Variants in ASTN1 observed in about 807,000 individuals in gnomAD.
The protein encoded by ASTN1 is astrotactin 1.
A neutral mutation model predicts 140.7 loss-of-function variants in ASTN1; 41 were observed. That is an observed-to-expected ratio of 0.29 (90% CI 0.23 to 0.38). The LOEUF (loss-of-function observed/expected upper bound fraction) is 0.38. Ranked by LOEUF, ASTN1 falls within the 10% of genes least tolerant of loss-of-function variation. The pLI is 1.00. For missense variants in ASTN1, 1,479 were observed against 1,678.8 expected (o/e 0.88, Z 2.08); for synonymous variants, 640 against 652.2 (o/e 0.98, Z 0.29).
intron 8 of ASTN1, among the ~76,000 whole-genome samples, chr1:176,979,025 T>C (rs1396500385): frequency 3.3e-5 from 5 of 151,844 alleles, no homozygotes; most frequent in Non-Finnish European, 4.4e-5. Context: ...CTGATGGGGG[T>C]CTGTTAAAGG....
At chr1:177,105,081 C>T (rs1270696041) in intron 1 of ASTN1, among the ~76,000 whole-genome samples, 1 of 152,142 alleles carries the variant, frequency 6.6e-6, no homozygotes, top group East Asian at 1.9e-4. Flanking sequence ...GCCATTTGCC[C>T]TTGAACAGTG....
At chr1:177,097,185 T>C (rs1008737946) in intron 1 of ASTN1, among the ~76,000 whole-genome samples, 1 of 152,202 alleles carries the variant, frequency 6.6e-6, no homozygotes, top group Non-Finnish European at 1.5e-5. Context: ...AACACTTTCA[T>C]CATTTTTACT....
At chr1:176,929,007 T>C (rs2103084202) in intron 16 of ASTN1, among the ~76,000 whole-genome samples, 1 of 152,288 alleles carries the variant, frequency 6.6e-6, no homozygotes, top group African/African-American at 2.4e-5. Flanking sequence ...ATCTCTGACC[T>C]TGGACTTAAG....
intron 11 of ASTN1, 55 bp from the exon 12 acceptor site, chr1:176,949,406 C>T: frequency 1.3e-6 from 2 of 1,561,332 alleles, no homozygotes; most frequent in South Asian, 2.3e-5. Context: ...ACTGAGTTCT[C>T]TGGGAACTGA....
At chr1:176,880,293 T>TG (rs1313026352) in intron 20 of ASTN1, among the ~76,000 whole-genome samples, 1 of 152,188 alleles carries the variant, frequency 6.6e-6, no homozygotes, top group Non-Finnish European at 1.5e-5. Flanking sequence ...GTAAGCCCCC[T>TG]GCTAAGGACT....
chr1:177,109,439 CAGAG>C (rs375242881), intron 1 of ASTN1, among the ~76,000 whole-genome samples: 2 of 149,774 alleles, frequency 1.3e-5, no homozygotes, highest in Admixed American at 6.6e-5. Context: ...CACACACATA[CAGAG>C]AGAGAGAGAG....
chr1:177,106,214 A>T (rs754704184), intron 1 of ASTN1, among the ~76,000 whole-genome samples: 14 of 152,206 alleles, frequency 9.2e-5, no homozygotes, highest in Non-Finnish European at 1.9e-4. Flanking sequence ...CTCTGTAAAT[A>T]GTATTTTTAT....
At chr1:177,011,645 TCACA>T (rs141786335) in intron 8 of ASTN1, among the ~76,000 whole-genome samples, 32 of 143,936 alleles carry the variant, frequency 2.2e-4, no homozygotes, top group African/African-American at 5.4e-4. Context: ...CAGGCACCAC[TCACA>T]CACACACACA....
At position 176,949,371 on chromosome 1, in the gene ASTN1, T is replaced by A. The variant is rs1408059999; in HGVS notation, c.1888-20A>T. The A allele has an allele frequency of 6.2e-7, 1 of 1,604,798 alleles. No individual in the cohort carries two copies. The highest frequency in any genetic ancestry group is 8.5e-7 in the Non-Finnish European group (1 of 1,173,858). Reference sequence around the variant, plus strand: ...TGGGCACTGGCACAATCAGAAAACATCCACATACGTGGGTGAATCGGGGAA... The same window carrying A: ...TGGGCACTGGCACAATCAGAAAACAACCACATACGTGGGTGAATCGGGGAA... On this transcript the variant is annotated intron_variant, in intron 11 of 22. Coordinates refer to ENST00000361833, the MANE Select transcript of ASTN1 (RefSeq NM_004319.3).
intron 2 of ASTN1, among the ~76,000 whole-genome samples, chr1:177,051,699 T>C (rs998600826): frequency 1.3e-5 from 2 of 152,104 alleles, no homozygotes; most frequent in Admixed American, 6.5e-5. Flanking sequence ...ACTTATGAGA[T>C]GGGCAGAGGG....
intron 16 of ASTN1, among the ~76,000 whole-genome samples, chr1:176,903,670 G>A (rs988892215): frequency 3.3e-5 from 5 of 152,046 alleles, no homozygotes; most frequent in African/African-American, 1.2e-4. Flanking sequence ...TGCCTTTCTT[G>A]TGACTCAGAG....
chr1:177,027,713 AGTGTGTGTGTGTGTGTGTGTGTGTGT>A (rs56405518), intron 5 of ASTN1, among the ~76,000 whole-genome samples: 4 of 118,568 alleles, frequency 3.4e-5, no homozygotes, highest in Admixed American at 1.8e-4. Context: ...AACCCAGTAC[AGTGTGTGTGTGTGTGTGTGTGTGTGT>A]GTGTGTGTGT....
intron 1 of ASTN1, among the ~76,000 whole-genome samples, chr1:177,115,633 G>T (rs1681046779): frequency 6.8e-6 from 1 of 147,602 alleles, no homozygotes; most frequent in African/African-American, 2.5e-5. Flanking sequence ...CTCCAGCCTG[G>T]GCAACAGAGA....
Position 177,145,250 on chromosome 1 carries a change from G to A in ASTN1, c.283+19144C>T, listed in dbSNP as rs1014587548. Among the ~76,000 whole-genome samples, 3 of 152,148 alleles carry A rather than the reference G, an allele frequency of 2.0e-5. No homozygotes were observed. The South Asian group carries it at 6.2e-4, about 32-fold the overall frequency. ...TTTTCCAAGTGGCTCTGTAACAACA[G>A]CTATCTCCTACCCTTTAATACCAAG... On this transcript the variant is annotated intron_variant, in intron 1 of 22. Transcript: ENST00000361833.
At chr1:176,922,137 C>T (rs1486394738) in intron 16 of ASTN1, among the ~76,000 whole-genome samples, 1 of 152,144 alleles carries the variant, frequency 6.6e-6, no homozygotes, top group Non-Finnish European at 1.5e-5. Context: ...CAGGATTGTT[C>T]ATGAAAATCA....
chr1:176,967,184 C>T (rs1450495863), intron 8 of ASTN1, among the ~76,000 whole-genome samples: 2 of 152,084 alleles, frequency 1.3e-5, no homozygotes, highest in Non-Finnish European at 2.9e-5. Flanking sequence ...GAATTGGCTC[C>T]ATAAAGTATC....
intron 1 of ASTN1, among the ~76,000 whole-genome samples, chr1:177,086,742 T>C (rs1571762964): frequency 6.6e-6 from 1 of 152,208 alleles, no homozygotes; most frequent in East Asian, 1.9e-4. Context: ...ATAATGTTTA[T>C]AGTTTGTTTC....
intron 2 of ASTN1, among the ~76,000 whole-genome samples, chr1:177,037,181 C>T (rs991584266): frequency 6.6e-6 from 1 of 152,092 alleles, no homozygotes; most frequent in Non-Finnish European, 1.5e-5. Flanking sequence ...CAGTAAATAT[C>T]ATGGATACTG....
At position 176,942,859 on chromosome 1, in the gene ASTN1, T is replaced by TATAC. The variant is rs1671795000; in HGVS notation, c.2377+1031_2377+1032insGTAT. ...ATGTATATATATATATATATATATA[T>TATAC]ATATATAGATTGATGTCTCATGTCT... On this transcript the variant is annotated intron_variant, in intron 14 of 22. Transcript: ENST00000361833. 2.9e-5 allele frequency among the ~76,000 whole-genome samples: 3 copies of TATAC among 104,140 alleles called. 1 individual carries two copies. The highest frequency in any genetic ancestry group is 6.1e-5 in the Non-Finnish European group (3 of 49,132). The allele number at this position is 104,140 out of a possible 152,430, so 68.3% of individuals were successfully genotyped here. A position where few individuals can be genotyped will look rare whatever the true frequency, so the allele number is the denominator to read the frequency against.
Sources: allele counts gnomAD v4.1 joint callset (sites outside exome capture counted in the v4.1 genomes callset), GRCh38; gene constraint gnomAD v4.1.1; transcripts MANE v1.5; gene names NCBI Gene and HGNC (gene_info 2026-07-23, HGNC 2026-07-21).